Variants in ANKRD30B observed in about 807,000 individuals in gnomAD.
ANKRD30B encodes ankyrin repeat domain-containing protein 30B.
Under a neutral mutation model 202.2 loss-of-function variants are expected in ANKRD30B, and 144 were observed. The ratio of observed to expected loss-of-function variants is 0.71; its 90% CI spans 0.62 to 0.82. The LOEUF (loss-of-function observed/expected upper bound fraction) is 0.82. Ranked by LOEUF, ANKRD30B falls within the 40% of genes least tolerant of loss-of-function variation. The pLI is 0.00. For missense variants in ANKRD30B, 1,487 were observed against 1,669.1 expected (o/e 0.89, Z 1.90); for synonymous variants, 508 against 561.3 (o/e 0.91, Z 1.34).
At chr18:14,821,650 G>T (rs900204285) in intron 30 of ANKRD30B, among the ~76,000 whole-genome samples, 1 of 152,100 alleles carries the variant, frequency 6.6e-6, no homozygotes, top group Non-Finnish European at 1.5e-5. Context: ...TGGAGACAGG[G>T]TTTCGCTATT....
chr18:14,867,342 G>C, the ANKRD30B span, among the ~76,000 whole-genome samples: 2 of 142,050 alleles, frequency 1.4e-5, no homozygotes, highest in East Asian at 4.7e-4. Context: ...GGTATGGGGG[G>C]AGGCTGCACT....
chr18:14,909,121 G>T, the ANKRD30B span, among the ~76,000 whole-genome samples: 1 of 152,198 alleles, frequency 6.6e-6, no homozygotes, highest in African/African-American at 2.4e-5. Context: ...AGGAGGGGCT[G>T]CATAGGAGGC....
At chr18:14,910,451 A>G in the ANKRD30B span, among the ~76,000 whole-genome samples, 1 of 151,016 alleles carries the variant, frequency 6.6e-6, no homozygotes, top group Non-Finnish European at 1.5e-5. Context: ...TACATAATAT[A>G]TATGTGTGAT....
intron 24 of ANKRD30B, among the ~76,000 whole-genome samples, chr18:14,807,092 G>T (rs1969569919): frequency 1.3e-5 from 2 of 151,004 alleles, no homozygotes; most frequent in Admixed American, 1.3e-4. Context: ...AATTTTGTGT[G>T]TTTTAGAGAG....
the ANKRD30B span, among the ~76,000 whole-genome samples, chr18:14,865,549 C>T: frequency 2.0e-4 from 31 of 151,714 alleles, no homozygotes; most frequent in East Asian, 5.8e-4. Context: ...TTTTCACTAC[C>T]GTCTTTCTGT....
chr18:14,898,640 CCTCT>C, the ANKRD30B span, among the ~76,000 whole-genome samples: 4 of 152,070 alleles, frequency 2.6e-5, no homozygotes, highest in East Asian at 1.9e-4. Flanking sequence ...TTTACTGATG[CCTCT>C]CTTTTACCTT....
intron 24 of ANKRD30B, 86 bp downstream of exon 24, chr18:14,803,910 A>G: frequency 3.4e-6 from 4 of 1,190,800 alleles, no homozygotes; most frequent in Non-Finnish European, 4.5e-6. Flanking sequence ...TAGCTGAAGA[A>G]AATTACCTCC....
chr18:14,865,334 C>G, the ANKRD30B span, among the ~76,000 whole-genome samples: 2,162 of 151,180 alleles, frequency 0.014, 56 homozygotes, highest in African/African-American at 0.051. Flanking sequence ...TTGCCACTCT[C>G]TCTTCCCCCT....
chr18:14,795,244 T>A (rs1163139206), intron 16 of ANKRD30B, among the ~76,000 whole-genome samples: 21 of 152,334 alleles, frequency 1.4e-4, no homozygotes, highest in Admixed American at 6.5e-5. Context: ...TCATCCAGGC[T>A]GGAGTGCAGG....
At chr18:14,887,930 C>G in the ANKRD30B span, among the ~76,000 whole-genome samples, 2 of 151,598 alleles carry the variant, frequency 1.3e-5, no homozygotes, top group Non-Finnish European at 2.9e-5. Context: ...CTCAATTTTA[C>G]TTTGAGGAAT....
intron 18 of ANKRD30B, 109 bp downstream of exon 18, chr18:14,796,524 A>T: frequency 7.6e-7 from 1 of 1,319,308 alleles, no homozygotes; most frequent in South Asian, 1.6e-5. Flanking sequence ...TTTGGTGGGA[A>T]AATTTGAAAC....
At chr18:14,808,413 C>T in intron 24 of ANKRD30B, 138 bp from the exon 25 acceptor site, 3 of 936,912 alleles carry the variant, frequency 3.2e-6, no homozygotes, top group South Asian at 1.3e-5. Context: ...ATACAAAAAC[C>T]CAAAAGACCC....
chr18:14,796,401 A>G lies in ANKRD30B; in HGVS notation c.1913A>G (p.Glu638Gly). 6.4e-7 allele frequency: 1 copy of G among 1,554,254 alleles called. No homozygotes were observed. Reference sequence around the variant, plus strand: ...AAAGCCTTAGAATTAAAGGACAGAGAAACATTCAAAGCAGGTAAATTTTGT... The same window carrying G: ...AAAGCCTTAGAATTAAAGGACAGAGGAACATTCAAAGCAGGTAAATTTTGT... ...PNKALELKDRETFKAESPDKD... is the reference protein window; with the variant it reads ...PNKALELKDRGTFKAESPDKD... Residue 638 changes from glutamate to glycine, a missense_variant, in exon 18 of 44, where the codon GAA (glutamate) becomes GGA (glycine). This residue lies in a region of ANKRD30B where 889 missense variants were observed against 841.4 expected (regional missense o/e 1.06). Coordinates refer to ENST00000690538, the MANE Select transcript of ANKRD30B (RefSeq NM_001367607.2).
chr18:14,923,068 C>A, the ANKRD30B span, among the ~76,000 whole-genome samples: 6 of 152,148 alleles, frequency 3.9e-5, no homozygotes, highest in Non-Finnish European at 1.5e-5. Context: ...TCATCACCTG[C>A]CGAATAAAGA....
chr18:14,829,683 G>A (rs1229564346), intron 33 of ANKRD30B, among the ~76,000 whole-genome samples: 1 of 152,208 alleles, frequency 6.6e-6, no homozygotes, highest in African/African-American at 2.4e-5. Context: ...AAGAAGTCCT[G>A]AATAGATTGC....
the ANKRD30B span, among the ~76,000 whole-genome samples, chr18:14,910,971 TG>T: frequency 6.6e-6 from 1 of 152,172 alleles, no homozygotes; most frequent in African/African-American, 2.4e-5. Context: ...TTGGTGGGTT[TG>T]TTTTTTTATT....
At position 14,852,425 on chromosome 18, in the gene ANKRD30B, G is replaced by T. The variant is rs1319428544; in HGVS notation, c.4476+5G>T. 6.6e-7 allele frequency: 1 copy of T among 1,512,578 alleles called. No individual in the cohort carries two copies. The highest frequency in any genetic ancestry group is 2.6e-5 in the Admixed American group (1 of 38,110). 93.7% of individuals were successfully genotyped at this position (1,512,578 alleles called of 1,614,324 possible). On this transcript the variant is annotated splice_donor_5th_base_variant and intron_variant, in intron 42 of 43. Transcript: ENST00000690538. ...AAAGAGAAAGCAGAAAGAGAAGTAA[G>T]TATCAAAAAATATAAATACTTTTCA...
At chr18:14,909,144 T>TCAGA in the ANKRD30B span, among the ~76,000 whole-genome samples, 1 of 152,286 alleles carries the variant, frequency 6.6e-6, no homozygotes, top group South Asian at 2.1e-4. Context: ...TGGAGGGGTT[T>TCAGA]TGTCTGGGAC....
chr18:14,784,562 A>T, intron 14 of ANKRD30B, 27 bp downstream of exon 14: 1 of 1,588,862 alleles, frequency 6.3e-7, no homozygotes, highest in Non-Finnish European at 8.6e-7. Context: ...AACTATGCAA[A>T]GATGAATAGT....
Sources: gnomAD v4.1 joint callset for allele counts (sites outside exome capture counted in the v4.1 genomes callset) on GRCh38, gnomAD v4.1.1 for gene constraint, gnomAD v4.1.1 regional missense constraint, MANE v1.5 for transcripts, NCBI Gene and HGNC (gene_info 2026-07-23, HGNC 2026-07-21) for gene names.